ADCY5: variants seen among roughly 807,000 people sequenced by gnomAD.
ADCY5 encodes the protein adenylate cyclase type 5.
ADCY5 carries 30 observed loss-of-function variants against 119.7 expected under a neutral mutation model. The ratio of observed to expected loss-of-function variants is 0.25; its 90% CI spans 0.19 to 0.34. The LOEUF (loss-of-function observed/expected upper bound fraction) is 0.34. Among genes scored for constraint, ADCY5 ranks in the 10% least tolerant of loss-of-function variants. The pLI, the probability that ADCY5 is intolerant of heterozygous loss-of-function variation, is 1.00. For synonymous variants in ADCY5, 753 were observed against 762.2 expected (o/e 0.99, Z 0.20); for missense variants, 1,324 against 1,775.2 (o/e 0.75, Z 4.57).
chr3:123,305,306 G>A (rs115765190), intron 12 of ADCY5, among the ~76,000 whole-genome samples: 2,494 of 152,262 alleles, frequency 0.016, 64 homozygotes, highest in African/African-American at 0.053. Flanking sequence ...TCTCCATCCC[G>A]ATACTGACAG....
intron 1 of ADCY5, among the ~76,000 whole-genome samples, chr3:123,397,189 C>T (rs1195155718): frequency 6.6e-6 from 1 of 152,204 alleles, no homozygotes; most frequent in East Asian, 1.9e-4. Context: ...CTCTAGCTGA[C>T]TTTTTCCTTA....
chr3:123,435,889 T>TATTATC (rs1297471967), intron 1 of ADCY5, among the ~76,000 whole-genome samples: 9 of 145,646 alleles, frequency 6.2e-5, no homozygotes, highest in African/African-American at 2.3e-4. Context: ...TTATTATTAT[T>TATTATC]ATTATTATTA....
intron 1 of ADCY5, among the ~76,000 whole-genome samples, chr3:123,443,938 G>A (rs185197369): frequency 6.6e-6 from 1 of 152,254 alleles, no homozygotes; most frequent in Admixed American, 6.5e-5. Context: ...CTAATCTCCT[G>A]GAGTGCAAAT....
intron 1 of ADCY5, among the ~76,000 whole-genome samples, chr3:123,421,134 T>G (rs1427479035): frequency 6.6e-6 from 1 of 152,232 alleles, no homozygotes; most frequent in East Asian, 1.9e-4. Context: ...ATATCCTTTT[T>G]GGGAGACAGT....
chr3:123,443,861 G>A (rs374277074), intron 1 of ADCY5, among the ~76,000 whole-genome samples: 14 of 152,106 alleles, frequency 9.2e-5, no homozygotes, highest in African/African-American at 3.4e-4. Context: ...TATTTGAACA[G>A]GACTCTCCAC....
chr3:123,445,346 C>A (rs199669571), intron 1 of ADCY5, among the ~76,000 whole-genome samples: 2 of 150,156 alleles, frequency 1.3e-5, no homozygotes, highest in African/African-American at 2.5e-5. Flanking sequence ...GGGGCCCCCC[C>A]CAAGGCTCAG....
At chr3:123,338,344 C>T (rs980977105) in intron 3 of ADCY5, among the ~76,000 whole-genome samples, 5 of 152,222 alleles carry the variant, frequency 3.3e-5, no homozygotes. Context: ...CTGCCACCCC[C>T]ACATTCCCCC....
intron 1 of ADCY5, among the ~76,000 whole-genome samples, chr3:123,378,285 C>T (rs1943911974): frequency 6.6e-6 from 1 of 151,780 alleles, no homozygotes; most frequent in Admixed American, 6.6e-5. Context: ...ATCACACTGT[C>T]AGGCATCAGA....
At chr3:123,364,672 C>T (rs960210596) in intron 1 of ADCY5, among the ~76,000 whole-genome samples, 1 of 151,874 alleles carries the variant, frequency 6.6e-6, no homozygotes, top group African/African-American at 2.4e-5. Flanking sequence ...ATCTAGGAGG[C>T]ATTAAAACCT....
chr3:123,284,436 A>C lies in ADCY5; in HGVS notation c.*172T>G. ...ACGCTGGCACCCCGGGGCCTGGGAC[A>C]GAGGCCGCTGCCCACCAGCAAAGGC... On this transcript the variant is annotated 3_prime_UTR_variant, in exon 21 of 21. Transcript: ENST00000462833. 9.5e-7 allele frequency: 1 copy of C among 1,057,880 alleles called. No individual in the cohort carries two copies. The highest frequency in any genetic ancestry group is 1.6e-5 in the South Asian group (1 of 60,948). 65.5% of individuals were successfully genotyped at this position (1,057,880 alleles called of 1,614,324 possible).
chr3:123,380,888 A>T (rs576552767), intron 1 of ADCY5, among the ~76,000 whole-genome samples: 1 of 152,286 alleles, frequency 6.6e-6, no homozygotes, highest in South Asian at 2.1e-4. Context: ...AGGGGATAGG[A>T]ACTGACGCTT....
chr3:123,308,410 T>C (rs1360706037), intron 12 of ADCY5, among the ~76,000 whole-genome samples: 1 of 152,204 alleles, frequency 6.6e-6, no homozygotes, highest in Non-Finnish European at 1.5e-5. Context: ...TACTGTTCTT[T>C]TGAAGTCTCC....
intron 1 of ADCY5, among the ~76,000 whole-genome samples, chr3:123,438,971 C>T (rs956041306): frequency 6.6e-6 from 1 of 151,772 alleles, no homozygotes; most frequent in Admixed American, 6.6e-5. Flanking sequence ...AGGCTGGTCT[C>T]AAACTCCTGG....
intron 1 of ADCY5, among the ~76,000 whole-genome samples, chr3:123,414,240 C>T (rs952948957): frequency 1.3e-5 from 2 of 152,204 alleles, no homozygotes; most frequent in Non-Finnish European, 2.9e-5. Flanking sequence ...CCTGCCAGCC[C>T]CTCTACACTC....
At chr3:123,326,257 G>A (rs1941477768) in intron 7 of ADCY5, among the ~76,000 whole-genome samples, 2 of 152,196 alleles carry the variant, frequency 1.3e-5, no homozygotes, top group Non-Finnish European at 2.9e-5. Context: ...CAGAGTCTCA[G>A]TCAGCTATCT....
chr3:123,363,175 C>CA (rs58090373), intron 1 of ADCY5, among the ~76,000 whole-genome samples: 1,501 of 90,084 alleles, frequency 0.017, 5 homozygotes, highest in African/African-American at 0.027. Context: ...AATTGAAGAA[C>CA]AAAAAAAAAA....
rs775478795 is a variant in ADCY5 at position 123,318,150 on chromosome 3, AGGTACCTGGCCC to A, written c.2257-45_2257-34del. 7 of 1,559,280 alleles carry A rather than the reference AGGTACCTGGCCC, an allele frequency of 4.5e-6. No individual in the cohort carries two copies. In the Admixed American group the frequency reaches 8.4e-5, roughly 19 times the overall value. On this transcript the variant is annotated intron_variant, in intron 10 of 20. Transcript: ENST00000462833. ...GAGACGGGCAGGGTGAGAGGGGCCA[AGGTACCTGGCCC>A]GGTCTGCTCCAGCCCTGTCAATCCC...
At chr3:123,380,042 T>C (rs938044962) in intron 1 of ADCY5, among the ~76,000 whole-genome samples, 4 of 152,160 alleles carry the variant, frequency 2.6e-5, no homozygotes, top group Non-Finnish European at 4.4e-5. Context: ...GGTCTGATTT[T>C]CCTCCTCCCA....
chr3:123,357,180 T>C (rs770886419), intron 1 of ADCY5, among the ~76,000 whole-genome samples: 1 of 152,040 alleles, frequency 6.6e-6, no homozygotes, highest in African/African-American at 2.4e-5. Flanking sequence ...ATGCATTTGT[T>C]ACACCTGCAG....
Sources: allele counts gnomAD v4.1 joint callset (sites outside exome capture counted in the v4.1 genomes callset), GRCh38; gene constraint gnomAD v4.1.1; transcripts MANE v1.5; gene names NCBI Gene and HGNC (gene_info 2026-07-23, HGNC 2026-07-21).